Variants in ATAD3B observed in about 807,000 individuals in gnomAD.
ATAD3B encodes ATPase family AAA domain containing 3B, also known as ATPase family AAA domain-containing protein 3B.
Under a neutral mutation model 70.2 loss-of-function variants are expected in ATAD3B, and 59 were observed. The ratio of observed to expected loss-of-function variants is 0.84; its 90% CI spans 0.68 to 1.04. The LOEUF (loss-of-function observed/expected upper bound fraction) is 1.04. Among genes scored for constraint, ATAD3B ranks in the 50% least tolerant of loss-of-function variants. The pLI, the probability that ATAD3B is intolerant of heterozygous loss-of-function variation, is 0.00. For missense variants in ATAD3B, 961 were observed against 913.4 expected (o/e 1.05, Z -0.67); for synonymous variants, 423 against 388.6 (o/e 1.09, Z -1.04).
At chr1:1,505,135 T>G in the ATAD3B span, among the ~76,000 whole-genome samples, 442 of 152,092 alleles carry the variant, frequency 2.9e-3, 5 homozygotes, top group South Asian at 2.9e-3. Flanking sequence ...GCGCTGTTAT[T>G]TATTGGATAC....
At chr1:1,482,878 T>G (rs1183073277) in intron 7 of ATAD3B, among the ~76,000 whole-genome samples, 1 of 151,860 alleles carries the variant, frequency 6.6e-6, no homozygotes, top group Non-Finnish European at 1.5e-5. Flanking sequence ...TGGTGGCGCC[T>G]GTGGTCCTGC....
intron 13 of ATAD3B, chr1:1,489,709 A>G: frequency 7.6e-7 from 1 of 1,311,978 alleles, no homozygotes; most frequent in East Asian, 5.4e-5. Flanking sequence ...CACGTGTCAC[A>G]CGGAGGATCA....
Position 1,489,967 on chromosome 1 carries a change from G to A in ATAD3B, c.1338-290G>A, listed in dbSNP as rs548942353. On this transcript the variant is annotated intron_variant, in intron 13 of 15. Coordinates refer to ENST00000673477, the MANE Select transcript of ATAD3B (RefSeq NM_031921.6). ...ACAGCGGGGCTCAGGTAGCAGGAGG[G>A]AGTGGTGTTCCCGGCACTGCCTATC... is the stretch of plus-strand genomic sequence containing the variant. 3.0e-5 allele frequency: 39 copies of A among 1,280,752 alleles called. No homozygotes were observed. The African/African-American group carries it at 5.6e-4, about 18-fold the overall frequency. The allele number at this position is 1,280,752 out of a possible 1,614,324, so 79.3% of individuals were successfully genotyped here.
At chr1:1,483,044 C>T (rs1334196410) in intron 7 of ATAD3B, 1 of 455,866 alleles carries the variant, frequency 2.2e-6, no homozygotes, top group African/African-American at 2.0e-5. Flanking sequence ...CCTGTAATCC[C>T]AGCATTTTCG....
At position 1,482,238 on chromosome 1, in the gene ATAD3B, C is replaced by T; in HGVS notation, c.615C>T (p.Asp205=). 1 of 1,611,604 alleles carries T rather than the reference C, an allele frequency of 6.2e-7. No individual in the cohort carries two copies. Among genetic ancestry groups the T allele is most frequent in the Non-Finnish European group, 8.5e-7 (1 of 1,179,362 alleles). Residue 205 remains aspartate, a synonymous_variant, in exon 6 of 16, where the codon GAC becomes GAT. Coordinates refer to ENST00000673477, the MANE Select transcript of ATAD3B (RefSeq NM_031921.6). ...ARAKAERENA[D]IIREQIRLKA... ...CCAAGGCCGAGCGGGAGAATGCAGA[C>T]ATCATCCGCGAGCAGATCCGCCTGA...
chr1:1,495,160 T>A (rs905170580), intron 15 of ATAD3B, among the ~76,000 whole-genome samples: 23 of 151,934 alleles, frequency 1.5e-4, no homozygotes, highest in South Asian at 2.1e-4. Context: ...CGGCTGAGAC[T>A]CGCAGAGGGT....
In ATAD3B at chr1:1,496,163, C is replaced by G; in HGVS notation, c.*346C>G. 1 of 1,072,620 alleles carries G rather than the reference C, an allele frequency of 9.3e-7. No homozygotes were observed. Among genetic ancestry groups the G allele is most frequent in the Admixed American group, 4.8e-5 (1 of 20,998 alleles). The allele number at this position is 1,072,620 out of a possible 1,614,324, so 66.4% of individuals were successfully genotyped here. A position where few individuals can be genotyped will look rare whatever the true frequency, so the allele number is the denominator to read the frequency against. On this transcript the variant is annotated 3_prime_UTR_variant, in exon 16 of 16. Transcript: ENST00000673477. The stretch of plus-strand genomic sequence containing the variant: ...GGCCGGTCCAAGCCTGTGGCTGGAG[C>G]TGGTGTGTGTTTATCTAATAAAGTC...
downstream of ATAD3B, among the ~76,000 whole-genome samples, chr1:1,501,778 T>G (rs1420991872): frequency 3.3e-5 from 5 of 152,208 alleles, no homozygotes; most frequent in Admixed American, 2.0e-4. Context: ...ATAAGTGTCA[T>G]CCCGTAATGC....
chr1:1,477,228 T>C, intron 1 of ATAD3B, 46 bp from the exon 2 acceptor site: 1 of 1,606,240 alleles, frequency 6.2e-7, no homozygotes, highest in Non-Finnish European at 8.5e-7. Flanking sequence ...CAGGCTTTGG[T>C]ATCCGTGTAT....
At position 1,490,323 on chromosome 1, in the gene ATAD3B, C is replaced by T. The variant is rs753392785; in HGVS notation, c.1404C>T (p.Asp468=). The T allele has an allele frequency of 9.9e-6, 16 of 1,613,140 alleles. No individual in the cohort carries two copies. The highest frequency in any genetic ancestry group is 5.0e-5 in the Admixed American group (3 of 59,982). ...ACTGTGCCATCAACAGCCGCATTGA[C>T]GTGATGGTCCACTTCGACCTGCCGC... ...QFDCAINSRI[D]VMVHFDLPQQ... is the part of the protein sequence containing the mutation. Residue 468 remains aspartate, a synonymous_variant, in exon 14 of 16, where the codon GAC becomes GAT. Transcript: ENST00000673477.
intron 8 of ATAD3B, among the ~76,000 whole-genome samples, 164 bp downstream of exon 8, chr1:1,485,335 AG>A (rs1196420881): frequency 1.3e-5 from 2 of 151,986 alleles, no homozygotes; most frequent in African/African-American, 4.8e-5. Context: ...GCTGTACCTT[AG>A]GGGTCTGCAT....
chr1:1,485,455 G>A (rs1181560180), intron 8 of ATAD3B, among the ~76,000 whole-genome samples: 1 of 152,086 alleles, frequency 6.6e-6, no homozygotes, highest in African/African-American at 2.4e-5. Context: ...GTGTGCGGCC[G>A]TCTGTCGGGG....
the ATAD3B span, among the ~76,000 whole-genome samples, chr1:1,505,177 C>A: frequency 1.6e-3 from 238 of 152,102 alleles, no homozygotes; most frequent in Non-Finnish European, 2.5e-3. Context: ...GAGTGTGAGC[C>A]ATCTCCAGTG....
the ATAD3B span, chr1:1,503,375 A>G: frequency 1.7e-6 from 1 of 579,704 alleles, no homozygotes; most frequent in South Asian, 1.9e-5. Context: ...CCTGGAGGGC[A>G]TAAAACCTCA....
Position 1,496,420 on chromosome 1 carries a change from T to G in ATAD3B, c.*603T>G. 5.1e-6 allele frequency: 1 copy of G among 197,512 alleles called. No homozygotes were observed. The highest frequency in any genetic ancestry group is 9.1e-6 in the Non-Finnish European group (1 of 109,840). 12.2% of individuals were successfully genotyped at this position (197,512 alleles called of 1,614,324 possible). A position where few individuals can be genotyped will look rare whatever the true frequency, so the allele number is the denominator to read the frequency against. On this transcript the variant is annotated 3_prime_UTR_variant, in exon 16 of 16. Coordinates refer to ENST00000673477, the MANE Select transcript of ATAD3B (RefSeq NM_031921.6). ...CTGCGCCCCACCAGCCCCTCCCTCC[T>G]GAAGGAGGGGCACCCCGAGAAGAAT...
At chr1:1,506,806 G>C in the ATAD3B span, among the ~76,000 whole-genome samples, 1 of 49,288 alleles carries the variant, frequency 2.0e-5, no homozygotes, top group Admixed American at 2.4e-4. Flanking sequence ...TTTTTTTTTT[G>C]ATATGGAGTC....
At chr1:1,502,636 C>G (rs993241494), downstream of ATAD3B, among the ~76,000 whole-genome samples, 3 of 149,912 alleles carry the variant, frequency 2.0e-5, no homozygotes, top group African/African-American at 7.4e-5. Context: ...CTCAGCCTCC[C>G]AAGTAGCTGG....
At chr1:1,499,939 G>A (rs887323548), downstream of ATAD3B, among the ~76,000 whole-genome samples, 3 of 145,170 alleles carry the variant, frequency 2.1e-5, no homozygotes, top group Admixed American at 6.9e-5. Context: ...CTGTTGCCCA[G>A]GCTGGAGTCG....
Position 1,490,680 on chromosome 1 carries a change from G to C in ATAD3B, c.1614+9G>C. On this transcript the variant is annotated intron_variant, in intron 15 of 15. Transcript: ENST00000673477. ...TGGCCGTGTCCTGGCAGGTGAGTCA[G>C]GCTCCGGCACGTCCACCCAGACGGG... is the stretch of plus-strand genomic sequence containing the variant. 6.4e-7 allele frequency: 1 copy of C among 1,570,676 alleles called. No individual in the cohort carries two copies. The highest frequency in any genetic ancestry group is 8.6e-7 in the Non-Finnish European group (1 of 1,158,146).
Sources: allele counts gnomAD v4.1 joint callset (sites outside exome capture counted in the v4.1 genomes callset), GRCh38; gene constraint gnomAD v4.1.1; transcripts MANE v1.5; gene names NCBI Gene and HGNC (gene_info 2026-07-23, HGNC 2026-07-21).